The following BMERB1 variants were observed in gnomAD, a reference collection of about 807,000 sequenced individuals.
BMERB1 encodes the protein bMERB domain containing 1.
Under a neutral mutation model 23.6 loss-of-function variants are expected in BMERB1, and 12 were observed. The observed-to-expected ratio is 0.51, with a 90% CI of 0.33 to 0.82. The LOEUF (loss-of-function observed/expected upper bound fraction) is 0.82, where lower values mean the gene tolerates loss of function less well. Ranked by LOEUF, BMERB1 falls within the 40% of genes least tolerant of loss-of-function variation. The probability of loss-of-function intolerance (pLI) is 0.03; values close to 1 mark genes in which losing one functional copy is unlikely to be tolerated. For synonymous variants in BMERB1, 122 were observed against 96.6 expected (o/e 1.26, Z -1.54); for missense variants, 247 against 255.4 (o/e 0.97, Z 0.22).
chr16:15,489,745 C>G (rs2051402062), intron 1 of BMERB1, among the ~76,000 whole-genome samples: 1 of 152,182 alleles, frequency 6.6e-6, no homozygotes, highest in Admixed American at 6.5e-5. Context: ...CTCTGCTCCT[C>G]CCACGCCACA....
intron 3 of BMERB1, among the ~76,000 whole-genome samples, chr16:15,579,731 G>A (rs991744720): frequency 6.6e-6 from 1 of 151,910 alleles, no homozygotes; most frequent in Non-Finnish European, 1.5e-5. Context: ...CATTGGCATG[G>A]ATGATTTTCT....
intron 2 of BMERB1, 46 bp downstream of exon 2, chr16:15,515,474 G>T: frequency 6.3e-7 from 1 of 1,592,202 alleles, no homozygotes; most frequent in Non-Finnish European, 8.5e-7. Flanking sequence ...GTGTGGAGGA[G>T]AGAGGAAAAC....
At chr16:15,457,961 C>T (rs979395557) in intron 1 of BMERB1, among the ~76,000 whole-genome samples, 3 of 152,158 alleles carry the variant, frequency 2.0e-5, no homozygotes, top group African/African-American at 4.8e-5. Context: ...GGAAAACTGC[C>T]TTAATTAACC....
chr16:15,515,212 G>C, intron 1 of BMERB1, 93 bp from the exon 2 acceptor site: 1 of 1,561,310 alleles, frequency 6.4e-7, no homozygotes, highest in Admixed American at 1.9e-5. Flanking sequence ...TATGATGGTC[G>C]CAGAGCAAGG....
chr16:15,453,012 C>G (rs2051055011), intron 1 of BMERB1, among the ~76,000 whole-genome samples: 2 of 152,096 alleles, frequency 1.3e-5, no homozygotes, highest in Middle Eastern at 3.4e-3. Context: ...ATAACAACAA[C>G]AACAACAAAA....
chr16:15,470,586 C>T (rs1225784857), intron 1 of BMERB1, among the ~76,000 whole-genome samples: 2 of 150,676 alleles, frequency 1.3e-5, no homozygotes, highest in Non-Finnish European at 3.0e-5. Context: ...AGTGCAGTGG[C>T]GCGATCTCAG....
At chr16:15,474,192 T>C (rs1172120144) in intron 1 of BMERB1, among the ~76,000 whole-genome samples, 1 of 151,940 alleles carries the variant, frequency 6.6e-6, no homozygotes, top group African/African-American at 2.4e-5. Flanking sequence ...TGTCAGAGTT[T>C]AAGGACATGT....
At chr16:15,455,245 A>G (rs2051075365) in intron 1 of BMERB1, among the ~76,000 whole-genome samples, 2 of 149,438 alleles carry the variant, frequency 1.3e-5, no homozygotes, top group South Asian at 2.1e-4. Flanking sequence ...AATCACTTGA[A>G]CCCGGGAGAT....
At chr16:15,469,220 C>T (rs2051209465) in intron 1 of BMERB1, among the ~76,000 whole-genome samples, 1 of 152,188 alleles carries the variant, frequency 6.6e-6, no homozygotes, top group African/African-American at 2.4e-5. Context: ...CCCACCTCAG[C>T]ATCCCAAAGT....
Position 15,444,491 on chromosome 16 carries a change from A to G in BMERB1, c.106+9732A>G, listed in dbSNP as rs114892939. On this transcript the variant is annotated intron_variant, in intron 1 of 5. Transcript: ENST00000300006. Reference sequence around the variant, plus strand: ...TAAGCCTCAGTTTCCTCATCTGTAAAATGGGTATAGTGATTTCTTTAATCC... The same window carrying G: ...TAAGCCTCAGTTTCCTCATCTGTAAGATGGGTATAGTGATTTCTTTAATCC... Among the ~76,000 whole-genome samples, 536 of 152,082 alleles carry G rather than the reference A, an allele frequency of 3.5e-3. 4 individuals carry two copies. The highest frequency in any genetic ancestry group is 0.012 in the African/African-American group (507 of 41,500).
rs151211836 is a variant in BMERB1 at position 15,550,235 on chromosome 16, C to T, written c.231-17748C>T. ...GATTACAGGTGTGAGCCACCGCGCCCGGCCCAAAAGCACTTTTTAAATGTT... is the reference window on the plus strand; with the variant it reads ...GATTACAGGTGTGAGCCACCGCGCCTGGCCCAAAAGCACTTTTTAAATGTT... On this transcript the variant is annotated intron_variant, in intron 2 of 5. Transcript: ENST00000300006. 3.2e-3 allele frequency among the ~76,000 whole-genome samples: 490 copies of T among 152,176 alleles called. 4 individuals are homozygous for T. The highest frequency in any genetic ancestry group is 0.011 in the African/African-American group (460 of 41,518).
intron 2 of BMERB1, among the ~76,000 whole-genome samples, chr16:15,558,494 C>A (rs907775355): frequency 6.6e-6 from 1 of 151,996 alleles, no homozygotes; most frequent in Non-Finnish European, 1.5e-5. Flanking sequence ...TTTGGGCCCT[C>A]TGACGTCAAA....
rs571641620 is a variant in BMERB1, at chr16:15,458,816, CACAA to C, written c.106+24063_106+24066del. ...TCTCAAAATAATACAGTAAAAAAAACACAAACAAAGCCAGGTGCGGTGGCTCACG... is the reference window on the plus strand; with the variant it reads ...TCTCAAAATAATACAGTAAAAAAAACACAAAGCCAGGTGCGGTGGCTCACG... On this transcript the variant is annotated intron_variant, in intron 1 of 5. Coordinates refer to ENST00000300006, the MANE Select transcript of BMERB1 (RefSeq NM_033201.3). 4.3e-4 allele frequency among the ~76,000 whole-genome samples: 64 copies of C among 150,558 alleles called. 1 individual carries two copies. Among genetic ancestry groups the C allele is most frequent in the African/African-American group, 1.2e-3 (48 of 40,998 alleles).
At chr16:15,520,474 GTTCTT>G in intron 2 of BMERB1, among the ~76,000 whole-genome samples, 1 of 127,940 alleles carries the variant, frequency 7.8e-6, no homozygotes, top group South Asian at 2.5e-4. Flanking sequence ...CATCATAGAT[GTTCTT>G]TTTTTTTTTT....
At chr16:15,552,348 G>A (rs868062015) in intron 2 of BMERB1, among the ~76,000 whole-genome samples, 6 of 152,168 alleles carry the variant, frequency 3.9e-5, no homozygotes, top group African/African-American at 9.6e-5. Context: ...GCTGAGGCAC[G>A]AGGATTGCTT....
At chr16:15,461,731 T>G (rs1210184560) in intron 1 of BMERB1, among the ~76,000 whole-genome samples, 1 of 151,932 alleles carries the variant, frequency 6.6e-6, no homozygotes. Flanking sequence ...GAGACCAGCC[T>G]GGGCAACACA....
chr16:15,500,660 A>G (rs2051518840), intron 1 of BMERB1, among the ~76,000 whole-genome samples: 1 of 152,126 alleles, frequency 6.6e-6, no homozygotes, highest in Non-Finnish European at 1.5e-5. Flanking sequence ...TTCTTCCTTT[A>G]TTTAGTTTTG....
At chr16:15,507,994 A>G (rs2051613193) in intron 1 of BMERB1, among the ~76,000 whole-genome samples, 1 of 152,162 alleles carries the variant, frequency 6.6e-6, no homozygotes, top group African/African-American at 2.4e-5. Context: ...TGTTATGATG[A>G]TGATGGTACT....
At chr16:15,510,684 C>T (rs1002489403) in intron 1 of BMERB1, among the ~76,000 whole-genome samples, 1 of 151,906 alleles carries the variant, frequency 6.6e-6, no homozygotes, top group Non-Finnish European at 1.5e-5. Context: ...CATCACAGCA[C>T]ACAGTAGCAC....
Sources: gnomAD v4.1 joint callset for allele counts (sites outside exome capture counted in the v4.1 genomes callset) on GRCh38, gnomAD v4.1.1 for gene constraint, MANE v1.5 for transcripts, NCBI Gene and HGNC (gene_info 2026-07-23, HGNC 2026-07-21) for gene names.